The following ANKRD18A variants were observed in gnomAD, a reference collection of about 807,000 sequenced individuals.
ANKRD18A encodes the protein ankyrin repeat domain 18A.
ANKRD18A carries 72 observed loss-of-function variants against 110.6 expected under a neutral mutation model. The ratio of observed to expected loss-of-function variants is 0.65; its 90% CI spans 0.54 to 0.79. ANKRD18A has a LOEUF of 0.79. Among genes scored for constraint, ANKRD18A ranks in the 30% least tolerant of loss-of-function variants. The pLI, the probability that ANKRD18A is intolerant of heterozygous loss-of-function variation, is 0.00. For missense variants in ANKRD18A, 934 were observed against 1,163.3 expected, an observed-to-expected ratio of 0.80 and a Z score of 2.87; for synonymous variants, 305 against 410.3, an observed-to-expected ratio of 0.74 and a Z score of 3.10.
At position 38,578,120 on chromosome 9, in the gene ANKRD18A, G is replaced by T. The variant is rs1289017159; in HGVS notation, c.2276C>A (p.Ala759Asp). The T allele has an allele frequency of 6.5e-7, 1 of 1,547,184 alleles. No homozygotes were observed. Among genetic ancestry groups the T allele is most frequent in the South Asian group, 1.2e-5 (1 of 82,526 alleles). Reference sequence around the variant, plus strand: ...CAAATTGACACATTCTGAAGACACAGCTTCCTTCTCGGCCACAAGATCATT... The same window carrying T: ...CAAATTGACACATTCTGAAGACACATCTTCCTTCTCGGCCACAAGATCATT... ...KFNDLVAEKE[A>D]VSSECVNLAK... Residue 759 changes from alanine (A) to aspartate (D), a missense_variant, in exon 13 of 16, where the codon GCT becomes GAT. Physicochemically the swap from Ala to Asp is moderately radical, Grantham distance 126. Around this residue, in one of 4 missense-constraint regions of ANKRD18A, gnomAD observed 79 missense variants for 122.8 expected, o/e 0.64. Transcript: ENST00000399703.
chr9:38,613,210 C>T (rs937324131), intron 3 of ANKRD18A, among the ~76,000 whole-genome samples: 1 of 150,610 alleles, frequency 6.6e-6, no homozygotes, highest in Non-Finnish European at 1.5e-5. Context: ...CTACCCAGGG[C>T]AACCTCTGCG....
At chr9:38,597,145 T>C (rs1165454464) in intron 8 of ANKRD18A, among the ~76,000 whole-genome samples, 2 of 152,158 alleles carry the variant, frequency 1.3e-5, no homozygotes, top group Admixed American at 1.3e-4. Flanking sequence ...AGGCATAAAA[T>C]GTGTCTTCTG....
chr9:38,601,011 T>C (rs1428643608), intron 8 of ANKRD18A, 120 bp downstream of exon 8: 3 of 845,228 alleles, frequency 3.5e-6, no homozygotes, highest in Non-Finnish European at 5.3e-6. Context: ...TATGAAATTA[T>C]GCTCTGTTGG....
At chr9:38,612,588 G>T (rs184678625) in intron 3 of ANKRD18A, among the ~76,000 whole-genome samples, 1 of 142,132 alleles carries the variant, frequency 7.0e-6, no homozygotes, top group East Asian at 2.1e-4. Flanking sequence ...CATGATCTCC[G>T]CTCACTGCAA....
intron 14 of ANKRD18A, among the ~76,000 whole-genome samples, chr9:38,576,084 G>T (rs2118642044): frequency 6.6e-6 from 1 of 152,248 alleles, no homozygotes; most frequent in East Asian, 1.9e-4. Context: ...ACGTTAATTT[G>T]CTTGACTATA....
chr9:38,568,495 A>C (rs1443918718), downstream of ANKRD18A: 1 of 155,538 alleles, frequency 6.4e-6, no homozygotes, highest in Non-Finnish European at 1.4e-5. Context: ...CCCCAGTGCC[A>C]TCTGCTTTTC....
At position 38,611,289 on chromosome 9, in the gene ANKRD18A, A is replaced by T. The variant is rs1825610117; in HGVS notation, c.528T>A (p.Asn176Lys). The part of the protein sequence containing the change: ...EGNTPLLFAI[N>K]SRRQHMVEFL... ...ATTCCACCATATGCTGTCTCCTGGA[A>T]TTTATAGCAAACAAAAGTGGAGTGT... The change falls in exon 4 of 16, where the codon AAT becomes AAA. Residue 176 changes from asparagine (N) to lysine (K), a missense_variant. Asn to Lys is a moderately conservative substitution (Grantham distance 94, BLOSUM62 0). Around this residue, in one of 4 missense-constraint regions of ANKRD18A, gnomAD observed 630 missense variants for 797.5 expected, o/e 0.79. Transcript: ENST00000399703. 1 of 1,531,072 alleles carries T rather than the reference A, an allele frequency of 6.5e-7. No homozygotes were observed. The highest frequency in any genetic ancestry group is 2.2e-5 in the Admixed American group (1 of 44,946). The allele number at this position is 1,531,072 out of a possible 1,614,324, so 94.8% of individuals were successfully genotyped here. A position where few individuals can be genotyped will look rare whatever the true frequency, so the allele number is the denominator to read the frequency against.
intron 5 of ANKRD18A, 77 bp downstream of exon 5, chr9:38,610,196 A>G: frequency 1.4e-6 from 2 of 1,424,098 alleles, no homozygotes; most frequent in Non-Finnish European, 1.8e-6. Context: ...ACTGTCACCT[A>G]ATGTATAAGA....
chr9:38,614,219 G>GTTTTTTTTTTTTTTTTTTTTTTTT (rs58955752), intron 3 of ANKRD18A, among the ~76,000 whole-genome samples: 1 of 68,804 alleles, frequency 1.5e-5, no homozygotes. Flanking sequence ...GAACACTGAG[G>GTTTTTTTTTTTTTTTTTTTTTTTT]TTTTTTTTTT....
chr9:38,570,341 C>T (rs1232579303), downstream of ANKRD18A, among the ~76,000 whole-genome samples: 5 of 152,178 alleles, frequency 3.3e-5, no homozygotes, highest in Non-Finnish European at 5.9e-5. Context: ...GACTGAGCCC[C>T]CTCTGACCAG....
At chr9:38,602,103 G>A (rs1014772941) in intron 7 of ANKRD18A, among the ~76,000 whole-genome samples, 13 of 148,868 alleles carry the variant, frequency 8.7e-5, no homozygotes, top group Non-Finnish European at 1.5e-4. Flanking sequence ...GGCTCCCTTC[G>A]TACTTTTTGA....
At chr9:38,579,905 A>G (rs989198880) in intron 12 of ANKRD18A, among the ~76,000 whole-genome samples, 6 of 152,248 alleles carry the variant, frequency 3.9e-5, no homozygotes, top group African/African-American at 1.4e-4. Flanking sequence ...TATTCACAAC[A>G]GCTAATGTAT....
rs146823315 is a variant in ANKRD18A at position 38,608,808 on chromosome 9, G to A, written c.741-1315C>T. ...TTATTATGGAAACACATTACTTGAG[G>A]GGCCAACTCCAAGTTGGTCCCCATT... On this transcript the variant is annotated intron_variant, in intron 5 of 15. Coordinates refer to ENST00000399703, the MANE Select transcript of ANKRD18A (RefSeq NM_147195.4). 3.4e-3 allele frequency among the ~76,000 whole-genome samples: 508 copies of A among 150,466 alleles called. 5 individuals carry two copies. Among genetic ancestry groups the A allele is most frequent in the African/African-American group, 0.012 (486 of 40,986 alleles).
At position 38,592,444 on chromosome 9, in the gene ANKRD18A, A is replaced by C. The variant is rs1280535403; in HGVS notation, c.2004+1316T>G. On this transcript the variant is annotated intron_variant, in intron 10 of 15. Coordinates refer to ENST00000399703, the MANE Select transcript of ANKRD18A (RefSeq NM_147195.4). ...ATGTAAGGTCAGTGAGAGAACAGTC[A>C]GAGAAAGCTTCAAGAAGAGGAAATT... 2.0e-5 allele frequency among the ~76,000 whole-genome samples: 3 copies of C among 152,352 alleles called. No homozygotes were observed. In the South Asian group the frequency reaches 6.2e-4, roughly 32 times the overall value.
At chr9:38,579,059 T>G (rs1032604777) in intron 12 of ANKRD18A, among the ~76,000 whole-genome samples, 41 of 152,286 alleles carry the variant, frequency 2.7e-4, no homozygotes, top group Non-Finnish European at 4.1e-4. Context: ...GCCAACTTAT[T>G]TTGGAATAAG....
chr9:38,608,163 TA>T (rs893706845), intron 5 of ANKRD18A, among the ~76,000 whole-genome samples: 3 of 152,160 alleles, frequency 2.0e-5, no homozygotes, highest in African/African-American at 7.2e-5. Flanking sequence ...ATTATCTCAT[TA>T]AAACATATAC....
intron 2 of ANKRD18A, 23 bp downstream of exon 2, chr9:38,615,907 T>C (rs1825833292): frequency 6.5e-7 from 1 of 1,537,798 alleles, no homozygotes; most frequent in Non-Finnish European, 8.7e-7. Context: ...CATTTCATGC[T>C]GAAAGAGTTG....
intron 10 of ANKRD18A, among the ~76,000 whole-genome samples, chr9:38,590,381 C>T (rs1381374319): frequency 2.0e-5 from 3 of 151,916 alleles, no homozygotes; most frequent in Non-Finnish European, 4.4e-5. Context: ...CCTCAGCCTC[C>T]CAAGTAGCTG....
chr9:38,613,324 A>G (rs957738729), intron 3 of ANKRD18A, among the ~76,000 whole-genome samples: 5 of 152,086 alleles, frequency 3.3e-5, no homozygotes, highest in African/African-American at 1.2e-4. Context: ...TGTTGACTCA[A>G]TTCAAAGAGG....
Sources: allele counts gnomAD v4.1 joint callset (sites outside exome capture counted in the v4.1 genomes callset), GRCh38; gene constraint gnomAD v4.1.1; regional missense constraint gnomAD v4.1.1; transcripts MANE v1.5; gene names NCBI Gene and HGNC (gene_info 2026-07-23, HGNC 2026-07-21).